TRIM29: variants seen among roughly 807,000 people sequenced by gnomAD.
The protein encoded by TRIM29 is tripartite motif containing 29.
A neutral mutation model predicts 57.3 loss-of-function variants in TRIM29; 52 were observed. That is an observed-to-expected ratio of 0.91 (90% CI 0.73 to 1.14). TRIM29 has a LOEUF of 1.14. Ranked by LOEUF, TRIM29 falls within the 50% of genes most tolerant of loss-of-function variation. TRIM29 has a pLI of 0.00. For missense variants in TRIM29, 753 were observed against 774.6 expected, an observed-to-expected ratio of 0.97 and a Z score of 0.33; for synonymous variants, 319 against 316.9, an observed-to-expected ratio of 1.01 and a Z score of -0.07.
Position 120,125,614 on chromosome 11 carries a change from C to T in TRIM29, c.1333+77G>A, listed in dbSNP as rs1863567583. 7.2e-6 allele frequency: 11 copies of T among 1,526,144 alleles called. No individual in the cohort carries two copies. The South Asian group carries it at 1.2e-4, about 16-fold the overall frequency. 94.5% of individuals were successfully genotyped at this position (1,526,144 alleles called of 1,614,324 possible). ...TGAGAAGAAGCTCACTGGAGGCCAG[C>T]CCATGTCAGGCAGCAGGAATTGATT... On this transcript the variant is annotated intron_variant, in intron 4 of 8. Coordinates refer to ENST00000341846, the MANE Select transcript of TRIM29 (RefSeq NM_012101.4).
At chr11:120,120,946 G>A (rs1863429959) in intron 5 of TRIM29, 1 of 502,840 alleles carries the variant, frequency 2.0e-6, no homozygotes, top group South Asian at 1.8e-5. Context: ...GCCACGTGAG[G>A]GTGGGGCCTC....
chr11:120,129,692 C>T (rs1055521914), intron 1 of TRIM29, among the ~76,000 whole-genome samples: 1 of 151,678 alleles, frequency 6.6e-6, no homozygotes, highest in African/African-American at 2.4e-5. Flanking sequence ...TGCAGGCACC[C>T]GGGGAAGTGG....
rs1260556321 is a variant in TRIM29, at chr11:120,137,150, G to A, written c.804+78C>T. ...TTAAGCCCCAAACCCGAGGAAGCCC[G>A]AGTGGAGAAGATGAAGTTCGGAGGG... On this transcript the variant is annotated intron_variant, in intron 1 of 8. Coordinates refer to ENST00000341846, the MANE Select transcript of TRIM29 (RefSeq NM_012101.4). This position sits in a 1 kb window ranked among gnomAD's most constrained non-coding sequence, Gnocchi z 6.2. 1.5e-5 allele frequency: 23 copies of A among 1,514,008 alleles called. No individual in the cohort carries two copies. The East Asian group carries it at 3.6e-4, about 24-fold the overall frequency. 93.8% of individuals were successfully genotyped at this position (1,514,008 alleles called of 1,614,324 possible).
Position 120,118,317 on chromosome 11 carries a change from G to T in TRIM29, c.1533C>A (p.Asn511Lys). 4 of 1,612,392 alleles carry T rather than the reference G, an allele frequency of 2.5e-6. No homozygotes were observed. The highest frequency in any genetic ancestry group is 3.4e-6 in the Non-Finnish European group (4 of 1,179,090). Residue 511 changes from asparagine to lysine, a missense_variant, in exon 7 of 9, where the codon AAC (asparagine) becomes AAA (lysine). Coordinates refer to ENST00000341846, the MANE Select transcript of TRIM29 (RefSeq NM_012101.4). ...AGTACTCCCAGACCCGGGAGGTGTA[G>T]TTACCTGGCAGGACAAAGAAGGGCT... ...NFNNLYGTKGNYTSRVWEYSS... is the reference protein window; with the variant it reads ...NFNNLYGTKGKYTSRVWEYSS...
rs139309185 is a variant in TRIM29 at position 120,133,418 on chromosome 11, G to C, written c.804+3810C>G. On this transcript the variant is annotated intron_variant, in intron 1 of 8. Coordinates refer to ENST00000341846, the MANE Select transcript of TRIM29 (RefSeq NM_012101.4). ...ATGCTGGGCCCGGCACTGGCACTCA[G>C]GTGTGTGCCACAGACACTGGGTTGC... Among the ~76,000 whole-genome samples the C allele has an allele frequency of 2.7e-3, 409 of 152,356 alleles. 3 individuals are homozygous for C. The highest frequency in any genetic ancestry group is 9.0e-3 in the African/African-American group (376 of 41,586).
At chr11:120,129,680 C>T (rs533871589) in intron 1 of TRIM29, among the ~76,000 whole-genome samples, 3 of 151,716 alleles carry the variant, frequency 2.0e-5, no homozygotes, top group South Asian at 2.1e-4. Context: ...CAGGGGACCT[C>T]CTGCAGGCAC....
chr11:120,120,855 C>CT (rs1863426368), intron 5 of TRIM29, 190 bp from the exon 6 acceptor site: 1 of 685,554 alleles, frequency 1.5e-6, no homozygotes, highest in Admixed American at 2.0e-5. Context: ...TAGAAGGACT[C>CT]TGTTAGTAAC....
intron 1 of TRIM29, among the ~76,000 whole-genome samples, chr11:120,130,382 G>A (rs1591329785): frequency 6.6e-6 from 1 of 152,198 alleles, no homozygotes; most frequent in South Asian, 2.1e-4. Context: ...CGAGGACAAG[G>A]TCTGATGGAA....
At chr11:120,135,080 ACTCTGAG>A (rs1863791692) in intron 1 of TRIM29, among the ~76,000 whole-genome samples, 1 of 151,942 alleles carries the variant, frequency 6.6e-6, no homozygotes, top group African/African-American at 2.4e-5. Context: ...CGAACTCTGA[ACTCTGAG>A]CTCCTGGCAC....
chr11:120,125,645 G>A (rs1565317424), intron 4 of TRIM29, 46 bp downstream of exon 4: 3 of 1,601,566 alleles, frequency 1.9e-6, no homozygotes, highest in Middle Eastern at 1.9e-4. Flanking sequence ...TGATTTGGGA[G>A]AGAAAGGTCT....
At chr11:120,122,500 C>T (rs956486549) in intron 5 of TRIM29, among the ~76,000 whole-genome samples, 1 of 152,120 alleles carries the variant, frequency 6.6e-6, no homozygotes, top group African/African-American at 2.4e-5. Context: ...GAGGAGGGAC[C>T]ACTCTCCCTG....
intron 7 of TRIM29, chr11:120,117,751 C>G (rs1488763290): frequency 5.4e-6 from 1 of 184,966 alleles, no homozygotes; most frequent in East Asian, 1.7e-4. Context: ...GAGGATCAGC[C>G]TTGGGGGGAC....
intron 1 of TRIM29, 34 bp from the exon 2 acceptor site, chr11:120,128,529 G>A (rs374694565): frequency 6.3e-7 from 1 of 1,597,748 alleles, no homozygotes. Flanking sequence ...GAGAAGTCAG[G>A]GGGAGGAGAT....
intron 8 of TRIM29, among the ~76,000 whole-genome samples, chr11:120,114,873 C>A (rs556807209): frequency 1.3e-5 from 2 of 152,082 alleles, no homozygotes; most frequent in South Asian, 2.1e-4. Context: ...TATCTATTCC[C>A]GACTTTCCAG....
rs754339590 is a variant in TRIM29 at position 120,137,260 on chromosome 11, C to T, written c.772G>A (p.Val258Met). Residue 258 changes from valine (V) to methionine (M), a missense_variant, in exon 1 of 9, where the codon GTG (valine) becomes ATG (methionine). By Grantham distance (21) the Val-to-Met change is conservative. Coordinates refer to ENST00000341846, the MANE Select transcript of TRIM29 (RefSeq NM_012101.4). This position sits in a 1 kb window ranked among gnomAD's most constrained non-coding sequence, Gnocchi z 6.2. ...TCGGCCTTGGCCTCCTCCACTGTCA[C>T]GGTGCTATGATTCTTGTGCTCCTGG... ...MFQEHKNHSTVTVEEAKAEKE... is the reference protein window; with the variant it reads ...MFQEHKNHSTMTVEEAKAEKE... 2.0e-5 allele frequency: 33 copies of T among 1,614,024 alleles called. No individual in the cohort carries two copies. The highest frequency in any genetic ancestry group is 2.7e-5 in the Non-Finnish European group (32 of 1,180,040).
intron 2 of TRIM29, 55 bp from the exon 3 acceptor site, chr11:120,127,624 A>G (rs1863622395): frequency 6.6e-7 from 1 of 1,518,808 alleles, no homozygotes; most frequent in African/African-American, 1.4e-5. Context: ...AGGGAAAGAA[A>G]TCACCCTAGT....
intron 6 of TRIM29, among the ~76,000 whole-genome samples, chr11:120,119,970 C>T (rs186822296): frequency 1.5e-3 from 233 of 152,208 alleles, no homozygotes; most frequent in African/African-American, 4.9e-3. Context: ...AAGCCACATC[C>T]CCACACCCAT....
chr11:120,130,219 T>C (rs1863691166), intron 1 of TRIM29, among the ~76,000 whole-genome samples: 1 of 151,768 alleles, frequency 6.6e-6, no homozygotes, highest in Admixed American at 6.5e-5. Flanking sequence ...TCCAAGAGAG[T>C]GGACTGGGGG....
At chr11:120,125,574 G>C in intron 4 of TRIM29, 117 bp downstream of exon 4, 1 of 1,061,030 alleles carries the variant, frequency 9.4e-7, no homozygotes, top group Non-Finnish European at 1.4e-6. Context: ...AGGGTGGGTG[G>C]GTGGGTGGGA....
Sources: gnomAD v4.1 joint callset for allele counts (sites outside exome capture counted in the v4.1 genomes callset) on GRCh38, gnomAD v4.1.1 for gene constraint, Gnocchi (gnomAD v3.1) non-coding constraint, MANE v1.5 for transcripts, NCBI Gene and HGNC (gene_info 2026-07-23, HGNC 2026-07-21) for gene names.